Variants in UNC79 observed in about 807,000 individuals in gnomAD.
The protein encoded by UNC79 is unc-79 subunit of NALCN channel complex, also known as protein unc-79 homolog.
A neutral mutation model predicts 283.1 loss-of-function variants in UNC79; 37 were observed. That is an observed-to-expected ratio of 0.13 (90% CI 0.10 to 0.17). The LOEUF (loss-of-function observed/expected upper bound fraction) is 0.17, where lower values mean the gene tolerates loss of function less well. UNC79 is among the 10% of genes least tolerant of loss of function. UNC79 has a pLI of 1.00. For missense variants in UNC79, 2,272 were observed against 3,211.1 expected, an observed-to-expected ratio of 0.71 and a Z score of 7.07; for synonymous variants, 1,107 against 1,200.2, an observed-to-expected ratio of 0.92 and a Z score of 1.61.
chr14:93,578,423 AAATT>A (rs1262335865), intron 18 of UNC79, among the ~76,000 whole-genome samples: 33 of 152,336 alleles, frequency 2.2e-4, no homozygotes, highest in African/African-American at 7.9e-4. Context: ...TTGATTTTTA[AAATT>A]AATTTAAAAA....
At chr14:93,356,661 C>T (rs1471308622) in intron 1 of UNC79, among the ~76,000 whole-genome samples, 1 of 152,202 alleles carries the variant, frequency 6.6e-6, no homozygotes, top group African/African-American at 2.4e-5. Context: ...GCTTTACTGA[C>T]CCATTCTGCC....
At chr14:93,600,894 A>G (rs781052421) in intron 25 of UNC79, 124 bp downstream of exon 25, 3 of 975,924 alleles carry the variant, frequency 3.1e-6, no homozygotes, top group Non-Finnish European at 4.5e-6. Flanking sequence ...CATGCACTCA[A>G]TTCATTAAAT....
chr14:93,584,988 C>T (rs567283763), intron 20 of UNC79, among the ~76,000 whole-genome samples: 5 of 152,094 alleles, frequency 3.3e-5, no homozygotes, highest in Admixed American at 2.0e-4. Context: ...TGAGCCACTG[C>T]GCCTGGCCAG....
At chr14:93,487,415 G>A (rs1476896743) in intron 4 of UNC79, among the ~76,000 whole-genome samples, 1 of 152,084 alleles carries the variant, frequency 6.6e-6, no homozygotes, top group Non-Finnish European at 1.5e-5. Flanking sequence ...CTCAGATAAA[G>A]CCATTACATC....
At chr14:93,565,785 AG>A (rs2062841781) in intron 14 of UNC79, among the ~76,000 whole-genome samples, 1 of 152,212 alleles carries the variant, frequency 6.6e-6, no homozygotes, top group South Asian at 2.1e-4. Context: ...GAAGACTTAA[AG>A]AAGATTACAG....
At chr14:93,580,568 G>A (rs988724852) in intron 19 of UNC79, among the ~76,000 whole-genome samples, 192 bp downstream of exon 19, 3 of 152,168 alleles carry the variant, frequency 2.0e-5, no homozygotes, top group Admixed American at 1.3e-4. Flanking sequence ...CTGAAGCCAC[G>A]CTATACGGAA....
At chr14:93,407,568 G>A (rs2055251598) in intron 1 of UNC79, among the ~76,000 whole-genome samples, 1 of 152,104 alleles carries the variant, frequency 6.6e-6, no homozygotes, top group Admixed American at 6.5e-5. Context: ...TCTAACAAAG[G>A]TCTGTCCTTA....
At chr14:93,637,329 A>G in intron 32 of UNC79, 30 bp downstream of exon 35, 2 of 1,611,500 alleles carry the variant, frequency 1.2e-6, no homozygotes, top group Non-Finnish European at 1.7e-6. Flanking sequence ...CTCTGGCTGT[A>G]AAAGCTGAAG....
intron 5 of UNC79, among the ~76,000 whole-genome samples, chr14:93,494,624 G>A (rs2058932962): frequency 6.6e-6 from 1 of 152,152 alleles, no homozygotes; most frequent in African/African-American, 2.4e-5. Flanking sequence ...GCATATAGAT[G>A]GCTGCTGAAG....
At chr14:93,423,017 C>T (rs182937198) in intron 1 of UNC79, among the ~76,000 whole-genome samples, 7 of 133,842 alleles carry the variant, frequency 5.2e-5, no homozygotes, top group African/African-American at 1.2e-4. Context: ...GAGTTGAGAT[C>T]GCACCACTGC....
At chr14:93,382,133 T>G (rs1218698129) in intron 1 of UNC79, among the ~76,000 whole-genome samples, 1 of 152,170 alleles carries the variant, frequency 6.6e-6, no homozygotes, top group Non-Finnish European at 1.5e-5. Flanking sequence ...TGGTTCCTAA[T>G]AATACAAGGT....
intron 1 of UNC79, among the ~76,000 whole-genome samples, chr14:93,440,934 GTATATC>G (rs2056278689): frequency 6.6e-6 from 1 of 152,038 alleles, no homozygotes; most frequent in Non-Finnish European, 1.5e-5. Context: ...TGAGTTTGAT[GTATATC>G]TATAAGATCT....
At chr14:93,335,891 T>TA (rs1034950194) in intron 1 of UNC79, among the ~76,000 whole-genome samples, 3 of 152,214 alleles carry the variant, frequency 2.0e-5, no homozygotes, top group African/African-American at 7.2e-5. Context: ...TGGAAATGGG[T>TA]AAAAACAGTG....
intron 14 of UNC79, among the ~76,000 whole-genome samples, chr14:93,563,654 G>A (rs1204299095): frequency 1.3e-5 from 2 of 152,148 alleles, no homozygotes; most frequent in African/African-American, 4.8e-5. Flanking sequence ...ATTAGGCCTG[G>A]TGGAACTGCC....
At chr14:93,402,930 G>T (rs1391666926) in intron 1 of UNC79, among the ~76,000 whole-genome samples, 1 of 152,116 alleles carries the variant, frequency 6.6e-6, no homozygotes, top group Non-Finnish European at 1.5e-5. Flanking sequence ...GGTGGTTGAG[G>T]CACAGCTTGG....
chr14:93,580,240 C>T (rs760074934), exon 19 of UNC79: 1 of 1,614,152 alleles, frequency 6.2e-7, no homozygotes, highest in East Asian at 2.2e-5. Context: ...TTCCAAGCCC[C>T]CTGGGGGGGA....
intron 19 of UNC79, among the ~76,000 whole-genome samples, chr14:93,581,601 C>T (rs971765273): frequency 7.0e-6 from 1 of 143,750 alleles, no homozygotes; most frequent in African/African-American, 2.6e-5. Flanking sequence ...TCAAGCGATT[C>T]TCCTGCCTCA....
At chr14:93,464,605 T>C (rs1272280980) in intron 1 of UNC79, 1 of 456,156 alleles carries the variant, frequency 2.2e-6, no homozygotes, top group Non-Finnish European at 4.4e-6. Context: ...CTTTTTAAAG[T>C]ATAAGGAAAG....
At chr14:93,623,825 G>A (rs556364751) in intron 30 of UNC79, among the ~76,000 whole-genome samples, 39 of 152,294 alleles carry the variant, frequency 2.6e-4, no homozygotes, top group African/African-American at 9.1e-4. Flanking sequence ...CCTGGGAGGC[G>A]GAGGTTACAG....
Sources: gnomAD v4.1 joint callset for allele counts (sites outside exome capture counted in the v4.1 genomes callset) on GRCh38, gnomAD v4.1.1 for gene constraint, MANE v1.5 for transcripts, NCBI Gene and HGNC (gene_info 2026-07-23, HGNC 2026-07-21) for gene names.